GRIA4: variants seen among roughly 807,000 people sequenced by gnomAD.
GRIA4 encodes the protein glutamate receptor 4.
In GRIA4, 34 loss-of-function variants were observed where a neutral mutation model predicts 104.0. That is an observed-to-expected ratio of 0.33 (90% CI 0.25 to 0.44). The LOEUF (loss-of-function observed/expected upper bound fraction) is 0.44, where lower values mean the gene tolerates loss of function less well. GRIA4 is among the 20% of genes least tolerant of loss of function. GRIA4 has a pLI of 1.00. For synonymous variants in GRIA4, 386 were observed against 381.9 expected (o/e 1.01, Z -0.13); for missense variants, 750 against 1,096.5 (o/e 0.68, Z 4.46).
In GRIA4 at chr11:105,744,827, C is replaced by T. The variant is rs1004241587; in HGVS notation, c.248-8154C>T. ...TTTCCGTTCTGCTCTCTTCCCATTT[C>T]CCAGGCCCAGTGTAACCACATGTTA... On this transcript the variant is annotated intron_variant, in intron 3 of 16. Transcript: ENST00000282499. 9.2e-5 allele frequency among the ~76,000 whole-genome samples: 14 copies of T among 152,110 alleles called. 1 individual carries two copies. Among genetic ancestry groups the T allele is most frequent in the African/African-American group, 3.4e-4 (14 of 41,434 alleles).
intron 3 of GRIA4, among the ~76,000 whole-genome samples, chr11:105,638,392 T>C (rs1037984778): frequency 1.6e-4 from 25 of 152,200 alleles, no homozygotes; most frequent in African/African-American, 6.0e-4. Flanking sequence ...CTGAACCTGC[T>C]GACAACTGGA....
chr11:105,616,914 G>T (rs1483216656), intron 3 of GRIA4, among the ~76,000 whole-genome samples: 1 of 151,282 alleles, frequency 6.6e-6, no homozygotes, highest in Admixed American at 6.6e-5. Context: ...GATTGAGAAA[G>T]ATATGAGTCA....
intron 3 of GRIA4, among the ~76,000 whole-genome samples, chr11:105,717,442 C>T (rs140823336): frequency 8.5e-5 from 13 of 152,202 alleles, no homozygotes; most frequent in African/African-American, 2.9e-4. Context: ...ATCTCACTAT[C>T]TCTCCAAAAG....
intron 4 of GRIA4, among the ~76,000 whole-genome samples, chr11:105,796,786 CT>C (rs1360292120): frequency 1.3e-5 from 2 of 152,132 alleles, no homozygotes; most frequent in African/African-American, 4.8e-5. Context: ...GCTACTGACA[CT>C]TTTCTAAACA....
chr11:105,746,852 A>G (rs1046294048), intron 3 of GRIA4, among the ~76,000 whole-genome samples: 1 of 152,144 alleles, frequency 6.6e-6, no homozygotes, highest in Non-Finnish European at 1.5e-5. Context: ...TACATGGGAA[A>G]GTGATTCTCA....
At chr11:105,944,135 TATC>T (rs1483209697) in intron 14 of GRIA4, among the ~76,000 whole-genome samples, 13 of 152,188 alleles carry the variant, frequency 8.5e-5, no homozygotes, top group African/African-American at 3.1e-4. Flanking sequence ...GGAGACAAGA[TATC>T]ATTGTATAAC....
chr11:105,857,848 T>C (rs1047681242), intron 4 of GRIA4, among the ~76,000 whole-genome samples: 1 of 152,182 alleles, frequency 6.6e-6, no homozygotes, highest in African/African-American at 2.4e-5. Flanking sequence ...TCTGCTTCTC[T>C]TTCTGCTGCT....
intron 4 of GRIA4, among the ~76,000 whole-genome samples, chr11:105,830,936 T>G (rs925578600): frequency 6.6e-6 from 1 of 151,980 alleles, no homozygotes; most frequent in African/African-American, 2.4e-5. Flanking sequence ...TGTCTTTATC[T>G]TAGACTCCTA....
At chr11:105,685,376 C>T (rs1306356433) in intron 3 of GRIA4, among the ~76,000 whole-genome samples, 1 of 152,322 alleles carries the variant, frequency 6.6e-6, no homozygotes, top group African/African-American at 2.4e-5. Flanking sequence ...TTCATGTCCA[C>T]ACTTACCAGA....
Position 105,610,646 on chromosome 11 carries a change from T to C in GRIA4, c.-91+218T>C, listed in dbSNP as rs548841900. On this transcript the variant is annotated intron_variant, in intron 1 of 16. Transcript: ENST00000282499. ...AGCAAGGGGCGAGCGCGAGTGCGAGTGAGGCAAAGATAGAGCGCATGTCTC... is the reference window on the plus strand; with the variant it reads ...AGCAAGGGGCGAGCGCGAGTGCGAGCGAGGCAAAGATAGAGCGCATGTCTC... The C allele has an allele frequency of 1.1e-3, 226 of 207,676 alleles. 1 individual carries two copies. Among genetic ancestry groups the C allele is most frequent in the Admixed American group, 3.2e-3 (59 of 18,240 alleles). 12.9% of individuals were successfully genotyped at this position (207,676 alleles called of 1,614,324 possible).
chr11:105,733,623 A>G (rs1050586278), intron 3 of GRIA4, among the ~76,000 whole-genome samples: 4 of 151,708 alleles, frequency 2.6e-5, no homozygotes, highest in African/African-American at 7.3e-5. Flanking sequence ...CGACCAGCTA[A>G]TTTTTTGTAT....
chr11:105,880,812 A>G (rs1946023374), intron 5 of GRIA4, among the ~76,000 whole-genome samples: 1 of 152,224 alleles, frequency 6.6e-6, no homozygotes, highest in African/African-American at 2.4e-5. Flanking sequence ...ATCTTATGCA[A>G]CCTGAGTTTT....
chr11:105,855,757 G>A (rs1944987550), intron 4 of GRIA4, among the ~76,000 whole-genome samples: 1 of 152,046 alleles, frequency 6.6e-6, no homozygotes, highest in Non-Finnish European at 1.5e-5. Flanking sequence ...TATTCATAGG[G>A]AATATTCAAA....
chr11:105,663,903 G>T (rs80079720), intron 3 of GRIA4, among the ~76,000 whole-genome samples: 11,708 of 151,420 alleles, frequency 0.077, 688 homozygotes, highest in Non-Finnish European at 0.12. Flanking sequence ...ATTCGTCTTT[G>T]TGAACCCTCC....
At chr11:105,753,547 T>A (rs1282081193) in intron 4 of GRIA4, among the ~76,000 whole-genome samples, 4 of 152,108 alleles carry the variant, frequency 2.6e-5, no homozygotes, top group African/African-American at 9.7e-5. Context: ...GTCACCAACA[T>A]GTGTGGAGGT....
intron 7 of GRIA4, among the ~76,000 whole-genome samples, chr11:105,899,662 T>C (rs1183320803): frequency 6.6e-6 from 1 of 152,200 alleles, no homozygotes; most frequent in Non-Finnish European, 1.5e-5. Flanking sequence ...TAAGTAAATA[T>C]AGAACTATTG....
chr11:105,878,610 T>C (rs1945924914), intron 5 of GRIA4, among the ~76,000 whole-genome samples: 1 of 152,214 alleles, frequency 6.6e-6, no homozygotes, highest in South Asian at 2.1e-4. Flanking sequence ...AGAGATGCCC[T>C]GTATGGTGAG....
In GRIA4 at chr11:105,908,246, A is replaced by C. The variant is rs1369805349; in HGVS notation, c.1159-2189A>C. On this transcript the variant is annotated intron_variant, in intron 9 of 16. Coordinates refer to ENST00000282499, the MANE Select transcript of GRIA4 (RefSeq NM_000829.4). ...TCCAAAGAAGGTGAATATTTTTCTG[A>C]CATCCCTTATCAATTTAGTGATTTA... 6.6e-5 allele frequency among the ~76,000 whole-genome samples: 10 copies of C among 152,312 alleles called. No homozygotes were observed. In the East Asian group the frequency reaches 1.7e-3, roughly 26 times the overall value.
chr11:105,959,254 T>A (rs1022384354), intron 14 of GRIA4, among the ~76,000 whole-genome samples: 4 of 152,194 alleles, frequency 2.6e-5, no homozygotes, highest in Non-Finnish European at 4.4e-5. Flanking sequence ...CTCAAATCAA[T>A]CGTAGGTTCT....
Sources: gnomAD v4.1 joint callset for allele counts (sites outside exome capture counted in the v4.1 genomes callset) on GRCh38, gnomAD v4.1.1 for gene constraint, MANE v1.5 for transcripts, NCBI Gene and HGNC (gene_info 2026-07-23, HGNC 2026-07-21) for gene names.